The following TFEC variants were observed in gnomAD, a reference collection of about 807,000 sequenced individuals.
The protein encoded by TFEC is transcription factor EC.
Under a neutral mutation model 41.6 loss-of-function variants are expected in TFEC, and 31 were observed. The ratio of observed to expected loss-of-function variants is 0.74; its 90% confidence interval spans 0.56 to 1.01. The LOEUF (loss-of-function observed/expected upper bound fraction) is 1.01, where lower values mean the gene tolerates loss of function less well. Ranked by LOEUF, TFEC falls within the 50% of genes least tolerant of loss-of-function variation. The probability of loss-of-function intolerance (pLI) is 0.00; values close to 1 mark genes in which losing one functional copy is unlikely to be tolerated. For synonymous variants in TFEC, 143 were observed against 140.6 expected (o/e 1.02, Z -0.12); for missense variants, 402 against 404.1 (o/e 0.99, Z 0.04).
intron 2 of TFEC, among the ~76,000 whole-genome samples, chr7:115,975,375 T>C (rs1184919142): frequency 6.6e-6 from 1 of 152,126 alleles, no homozygotes; most frequent in Admixed American, 6.6e-5. Context: ...TATATGCAGA[T>C]ACAGTCAGGA....
chr7:116,114,144 C>T (rs1562974318), intron 1 of TFEC, among the ~76,000 whole-genome samples: 1 of 152,114 alleles, frequency 6.6e-6, no homozygotes, highest in Admixed American at 6.6e-5. Flanking sequence ...TCAAACAGTG[C>T]TTCACACATA....
chr7:116,157,106 T>C (rs552791027), intron 1 of TFEC, among the ~76,000 whole-genome samples: 2 of 152,340 alleles, frequency 1.3e-5, no homozygotes, highest in African/African-American at 4.8e-5. Flanking sequence ...TCTTATGTTC[T>C]GTTTTAAAAT....
At chr7:115,962,585 T>C (rs896354611) in intron 3 of TFEC, among the ~76,000 whole-genome samples, 2 of 151,704 alleles carry the variant, frequency 1.3e-5, no homozygotes, top group East Asian at 3.9e-4. Context: ...GACCACTCAG[T>C]GGGGAAAGGA....
intron 3 of TFEC, among the ~76,000 whole-genome samples, chr7:116,082,264 T>C (rs574561768): frequency 1.2e-4 from 18 of 151,792 alleles, no homozygotes; most frequent in Non-Finnish European, 2.4e-4. Context: ...AAAAGCAAAT[T>C]CTCCCAGTGC....
chr7:116,016,125 A>T (rs1795181917), intron 1 of TFEC, among the ~76,000 whole-genome samples: 1 of 152,216 alleles, frequency 6.6e-6, no homozygotes, highest in African/African-American at 2.4e-5. Context: ...CTAATGTAGG[A>T]TAGAGTTTCA....
At chr7:116,021,726 G>A (rs1325816501) in intron 1 of TFEC, among the ~76,000 whole-genome samples, 1 of 152,090 alleles carries the variant, frequency 6.6e-6, no homozygotes, top group African/African-American at 2.4e-5. Context: ...GCAGTCAGTG[G>A]GCCAAAATCT....
rs1793180146 is a variant in TFEC, at chr7:115,935,413, A to G, written c.*5138T>C. The stretch of plus-strand genomic sequence containing the variant: ...TACTTCAGCTATTTGTATATGTAAA[A>G]CACTATTAAAGTCAAAGATTTTTAA... On this transcript the variant is annotated 3_prime_UTR_variant, in exon 8 of 8. Coordinates refer to ENST00000265440, the MANE Select transcript of TFEC (RefSeq NM_012252.4). 1 of 152,124 alleles carries G rather than the reference A, an allele frequency of 6.6e-6. No homozygotes were observed. The highest frequency in any genetic ancestry group is 6.6e-5 in the Admixed American group (1 of 15,212). The allele number at this position is 152,124 out of a possible 1,614,324, so 9.4% of individuals were successfully genotyped here. A position where few individuals can be genotyped will look rare whatever the true frequency, so the allele number is the denominator to read the frequency against.
intron 2 of TFEC, among the ~76,000 whole-genome samples, chr7:115,982,884 T>C (rs1391168049): frequency 6.7e-6 from 1 of 149,142 alleles, no homozygotes; most frequent in Non-Finnish European, 1.5e-5. Flanking sequence ...CTGATCTATG[T>C]TGCTTTTCCA....
At chr7:116,157,515 C>A (rs1455155042) in intron 1 of TFEC, among the ~76,000 whole-genome samples, 1 of 152,036 alleles carries the variant, frequency 6.6e-6, no homozygotes, top group Admixed American at 6.6e-5. Context: ...GTGATTATAA[C>A]TAGTATATGG....
intron 3 of TFEC, among the ~76,000 whole-genome samples, chr7:116,077,991 C>T (rs1401738957): frequency 6.6e-6 from 1 of 152,078 alleles, no homozygotes; most frequent in Admixed American, 6.5e-5. Flanking sequence ...TCCATCAGCA[C>T]ATGGAACATT....
intron 3 of TFEC, among the ~76,000 whole-genome samples, chr7:116,079,766 T>C (rs1797045345): frequency 6.6e-6 from 1 of 152,106 alleles, no homozygotes. Context: ...AAAATCAATG[T>C]ACAAACTCAA....
intron 3 of TFEC, among the ~76,000 whole-genome samples, chr7:116,039,546 G>A (rs778965172): frequency 3.3e-5 from 5 of 151,582 alleles, no homozygotes; most frequent in East Asian, 1.9e-4. Flanking sequence ...GAAAAATGTC[G>A]TCTTTCAGAG....
intron 1 of TFEC, among the ~76,000 whole-genome samples, chr7:116,114,381 CTAAAACAAAAA>C (rs1354482580): frequency 6.7e-6 from 1 of 148,464 alleles, no homozygotes; most frequent in African/African-American, 2.5e-5. Flanking sequence ...TGTGAGACCT[CTAAAACAAAAA>C]TAAAACAAAA....
At chr7:116,039,990 A>C (rs1023950309) in intron 3 of TFEC, among the ~76,000 whole-genome samples, 1 of 152,122 alleles carries the variant, frequency 6.6e-6, no homozygotes, top group South Asian at 2.1e-4. Context: ...AAGACAGGAT[A>C]TACTTTGCAA....
chr7:116,132,161 T>C (rs960540921), intron 1 of TFEC, among the ~76,000 whole-genome samples: 5 of 152,206 alleles, frequency 3.3e-5, no homozygotes, highest in African/African-American at 1.2e-4. Context: ...GCCAACGGCA[T>C]CATTTTAAGG....
intron 4 of TFEC, among the ~76,000 whole-genome samples, chr7:115,955,491 A>G (rs1792173096): frequency 6.6e-6 from 1 of 152,010 alleles, no homozygotes; most frequent in Non-Finnish European, 1.5e-5. Flanking sequence ...TCCTACAAGA[A>G]CTTGAGTGAA....
chr7:116,019,507 T>C (rs1009046480), intron 1 of TFEC, among the ~76,000 whole-genome samples: 2 of 152,188 alleles, frequency 1.3e-5, no homozygotes, highest in Non-Finnish European at 2.9e-5. Context: ...CGCAATGTTT[T>C]CATCAGACTA....
chr7:116,141,333 T>G (rs1798536949), intron 1 of TFEC, among the ~76,000 whole-genome samples: 1 of 152,168 alleles, frequency 6.6e-6, no homozygotes, highest in African/African-American at 2.4e-5. Context: ...TAAATAATCT[T>G]TATGGGGATT....
At chr7:116,014,651 G>A (rs1324307658) in intron 1 of TFEC, among the ~76,000 whole-genome samples, 1 of 152,034 alleles carries the variant, frequency 6.6e-6, no homozygotes, top group Non-Finnish European at 1.5e-5. Context: ...TCTTACCCTA[G>A]AACCTGTGGA....
Sources: gnomAD v4.1 joint callset for allele counts (sites outside exome capture counted in the v4.1 genomes callset) on GRCh38, gnomAD v4.1.1 for gene constraint, MANE v1.5 for transcripts, NCBI Gene and HGNC (gene_info 2026-07-23, HGNC 2026-07-21) for gene names.